MRE11: variants seen among roughly 807,000 people sequenced by gnomAD.
MRE11 encodes the protein MRE11 double strand break repair nuclease.
A neutral mutation model predicts 91.7 loss-of-function variants in MRE11; 62 were observed. The observed-to-expected ratio is 0.68, with a 90% confidence interval of 0.55 to 0.84. MRE11 has a LOEUF of 0.84. Among genes scored for constraint, MRE11 ranks in the 40% least tolerant of loss-of-function variants. MRE11 has a pLI of 0.00. For missense variants in MRE11, 796 were observed against 852.9 expected (o/e 0.93, Z 0.83); for synonymous variants, 273 against 271.4 (o/e 1.01, Z -0.06).
At chr11:94,473,901 G>A (rs1207474662) in intron 7 of MRE11, among the ~76,000 whole-genome samples, 1 of 152,044 alleles carries the variant, frequency 6.6e-6, no homozygotes, top group Non-Finnish European at 1.5e-5. Flanking sequence ...TATGATCCAG[G>A]CTTCTGTTAG....
chr11:94,509,216 C>A, the MRE11 span, among the ~76,000 whole-genome samples: 1 of 152,080 alleles, frequency 6.6e-6, no homozygotes, highest in African/African-American at 2.4e-5. Flanking sequence ...ATTACTTTTT[C>A]TTGATAACGT....
intron 17 of MRE11, among the ~76,000 whole-genome samples, chr11:94,436,666 G>C (rs1945625767): frequency 6.6e-6 from 1 of 152,150 alleles, no homozygotes. Flanking sequence ...GAAGTAATAA[G>C]AGAATCAAGC....
intron 9 of MRE11, among the ~76,000 whole-genome samples, chr11:94,469,912 G>A (rs1946663157): frequency 6.6e-6 from 1 of 152,136 alleles, no homozygotes; most frequent in African/African-American, 2.4e-5. Context: ...ATTATTAAAT[G>A]CATTAATCCA....
chr11:94,464,471 G>A (rs769296061), intron 10 of MRE11, among the ~76,000 whole-genome samples: 2 of 152,178 alleles, frequency 1.3e-5, no homozygotes, highest in Non-Finnish European at 2.9e-5. Flanking sequence ...TCAAGGTATT[G>A]CAATAATTTC....
chr11:94,429,440 A>G (rs1945405242), intron 19 of MRE11, among the ~76,000 whole-genome samples: 1 of 152,214 alleles, frequency 6.6e-6, no homozygotes, highest in Admixed American at 6.5e-5. Context: ...TTAAGTGCCC[A>G]TCAATACGGA....
chr11:94,416,914 G>A lies in MRE11; in HGVS notation c.*3211C>T, dbSNP rs1945041690. On this transcript the variant is annotated 3_prime_UTR_variant, in exon 20 of 20. Transcript: ENST00000323929. ...TATGACAGATACAAAAAGGACATCA[G>A]ATTTCTTTGGGGGAAAGTCGCTTTT... is the stretch of plus-strand genomic sequence containing the variant. The A allele has an allele frequency of 6.8e-6, 1 of 148,072 alleles. No homozygotes were observed. Among genetic ancestry groups the A allele is most frequent in the African/African-American group, 2.6e-5 (1 of 39,078 alleles). 9.2% of individuals were successfully genotyped at this position (148,072 alleles called of 1,614,324 possible).
intron 14 of MRE11, among the ~76,000 whole-genome samples, chr11:94,452,714 C>G (rs1008840464): frequency 2.6e-5 from 4 of 152,158 alleles, no homozygotes; most frequent in Non-Finnish European, 5.9e-5. Context: ...TGTATTACTT[C>G]TAAGAGCTTA....
At chr11:94,428,824 T>C (rs1327940320) in intron 19 of MRE11, among the ~76,000 whole-genome samples, 4 of 151,646 alleles carry the variant, frequency 2.6e-5, no homozygotes, top group Admixed American at 2.0e-4. Flanking sequence ...GGTCACACCA[T>C]TGCACTCCAG....
chr11:94,438,854 G>A (rs1945697866), intron 16 of MRE11, among the ~76,000 whole-genome samples: 1 of 152,174 alleles, frequency 6.6e-6, no homozygotes, highest in Non-Finnish European at 1.5e-5. Flanking sequence ...TGCTGAGAGG[G>A]TAAGAGGAAG....
At position 94,470,388 on chromosome 11, in the gene MRE11, C is replaced by T. The variant is rs1024577551; in HGVS notation, c.1017+83G>A. On this transcript the variant is annotated intron_variant, in intron 9 of 19. Transcript: ENST00000323929. The stretch of plus-strand genomic sequence containing the variant: ...GAATGTAATCAACATAAAGGCTTCC[C>T]TCTACTCTATTAAATTACTTAATTG... 4.0e-5 allele frequency: 55 copies of T among 1,362,186 alleles called. No individual in the cohort carries two copies. In the African/African-American group the frequency reaches 6.9e-4, roughly 17 times the overall value. 84.4% of individuals were successfully genotyped at this position (1,362,186 alleles called of 1,614,324 possible). A position where few individuals can be genotyped will look rare whatever the true frequency, so the allele number is the denominator to read the frequency against.
rs13447745 is a variant in MRE11 at position 94,419,942 on chromosome 11, C to T, written c.*183G>A. On this transcript the variant is annotated 3_prime_UTR_variant, in exon 20 of 20. Transcript: ENST00000323929. ...GAGTGATATTGAAACAAAGCTCTTA[C>T]TACAACAACCAGGTTAAAAAAACAA... 6,319 of 481,510 alleles carry T rather than the reference C, an allele frequency of 0.013. 101 individuals are homozygous for T. The highest frequency in any genetic ancestry group is 0.067 in the Middle Eastern group (120 of 1,796). 29.8% of individuals were successfully genotyped at this position (481,510 alleles called of 1,614,324 possible). A position where few individuals can be genotyped will look rare whatever the true frequency, so the allele number is the denominator to read the frequency against.
chr11:94,480,266 T>C (rs571924059), intron 4 of MRE11, among the ~76,000 whole-genome samples: 1 of 152,310 alleles, frequency 6.6e-6, no homozygotes, highest in Admixed American at 6.5e-5. Context: ...TTCAAAAGGA[T>C]CCTATACCTA....
At chr11:94,495,721 T>G (rs1259833307), upstream of MRE11, among the ~76,000 whole-genome samples, 1 of 152,216 alleles carries the variant, frequency 6.6e-6, no homozygotes, top group Non-Finnish European at 1.5e-5. Context: ...CAGGAAGCCT[T>G]CTTTAATCCC....
rs965477111 is a variant in MRE11 at position 94,476,279 on chromosome 11, A to T, written c.659+10T>A. On this transcript the variant is annotated intron_variant, in intron 7 of 19. Coordinates refer to ENST00000323929, the MANE Select transcript of MRE11 (RefSeq NM_005591.4). ...CACTTGGCTCAAACTTTTTCAGAGAAAAGTTTTACCTGTTCTGATGAATCA... is the reference window on the plus strand; with the variant it reads ...CACTTGGCTCAAACTTTTTCAGAGATAAGTTTTACCTGTTCTGATGAATCA... 6.3e-7 allele frequency: 1 copy of T among 1,590,078 alleles called. No individual in the cohort carries two copies. The highest frequency in any genetic ancestry group is 1.1e-5 in the South Asian group (1 of 90,530).
chr11:94,440,180 G>A lies in MRE11; in HGVS notation c.1868-2945C>T, dbSNP rs917129415. On this transcript the variant is annotated intron_variant, in intron 16 of 19. Transcript: ENST00000323929. The stretch of plus-strand genomic sequence containing the variant: ...CATAATTCAGGAAATCTGACGTTTC[G>A]TATTTAGTTTATTTACATAGCCTCT... 1.6e-4 allele frequency among the ~76,000 whole-genome samples: 25 copies of A among 152,214 alleles called. 1 individual carries two copies. Among genetic ancestry groups the A allele is most frequent in the Admixed American group, 1.4e-3 (22 of 15,288 alleles).
At chr11:94,478,699 C>A (rs1946935988) in intron 6 of MRE11, 36 bp downstream of exon 6, 3 of 1,609,198 alleles carry the variant, frequency 1.9e-6, no homozygotes, top group African/African-American at 2.7e-5. Flanking sequence ...TAAAGAATCA[C>A]ACATGGACAT....
intron 19 of MRE11, among the ~76,000 whole-genome samples, chr11:94,422,041 C>T (rs534603064): frequency 6.6e-6 from 1 of 152,190 alleles, no homozygotes; most frequent in African/African-American, 2.4e-5. Flanking sequence ...TTATGTTATG[C>T]TTTTGCTACA....
Position 94,417,330 on chromosome 11 carries a change from T to C in MRE11, c.*2795A>G, listed in dbSNP as rs1945053807. ...TTCTAAGAATGGATTTTCCTCTTTA[T>C]GAAAACAAAATATTCCTTTTCTTTA... On this transcript the variant is annotated 3_prime_UTR_variant, in exon 20 of 20. Transcript: ENST00000323929. 4.5e-6 allele frequency: 1 copy of C among 220,656 alleles called. No homozygotes were observed. Among genetic ancestry groups the C allele is most frequent in the Non-Finnish European group, 9.1e-6 (1 of 110,216 alleles). The allele number at this position is 220,656 out of a possible 1,614,324, so 13.7% of individuals were successfully genotyped here.
At chr11:94,456,099 C>G (rs1049659473) in intron 14 of MRE11, among the ~76,000 whole-genome samples, 177 bp downstream of exon 14, 3 of 152,110 alleles carry the variant, frequency 2.0e-5, no homozygotes, top group Non-Finnish European at 2.9e-5. Flanking sequence ...AAAAAAAGAG[C>G]AATGAGCAGA....
Sources: gnomAD v4.1 joint callset for allele counts (sites outside exome capture counted in the v4.1 genomes callset) on GRCh38, gnomAD v4.1.1 for gene constraint, MANE v1.5 for transcripts, NCBI Gene and HGNC (gene_info 2026-07-23, HGNC 2026-07-21) for gene names.